Variants in SCAP observed in about 807,000 individuals in gnomAD.
SCAP encodes the protein sterol regulatory element-binding protein cleavage-activating protein.
Under a neutral mutation model 123.6 loss-of-function variants are expected in SCAP, and 65 were observed. That is an observed-to-expected ratio of 0.53 (90% CI 0.43 to 0.65). SCAP has a LOEUF of 0.65. Ranked by LOEUF, SCAP falls within the 30% of genes least tolerant of loss-of-function variation. The pLI is 0.00. For synonymous variants in SCAP, 740 were observed against 726.3 expected, an observed-to-expected ratio of 1.02 and a Z score of -0.30; for missense variants, 1,398 against 1,712.5, an observed-to-expected ratio of 0.82 and a Z score of 3.24.
At chr3:47,467,331 G>A (rs1443368280) in intron 1 of SCAP, among the ~76,000 whole-genome samples, 1 of 152,030 alleles carries the variant, frequency 6.6e-6, no homozygotes, top group Non-Finnish European at 1.5e-5. Context: ...CAGGCTCGGT[G>A]GGGTGGCTCA....
chr3:47,452,973 G>A (rs993238959), intron 1 of SCAP, among the ~76,000 whole-genome samples: 2 of 151,868 alleles, frequency 1.3e-5, no homozygotes, highest in Non-Finnish European at 2.9e-5. Flanking sequence ...GCTCATGACT[G>A]TAGTCCTGGC....
intron 1 of SCAP, among the ~76,000 whole-genome samples, chr3:47,468,429 AT>A (rs1707913084): frequency 6.6e-6 from 1 of 152,112 alleles, no homozygotes; most frequent in African/African-American, 2.4e-5. Context: ...GTGTGAGGGT[AT>A]CTCATTGTGG....
chr3:47,416,277 G>A (rs1705566481), intron 18 of SCAP, among the ~76,000 whole-genome samples: 1 of 152,208 alleles, frequency 6.6e-6, no homozygotes, highest in South Asian at 2.1e-4. Context: ...CAGAACCCAG[G>A]TGGCTGAGAC....
In SCAP at chr3:47,428,495, G is replaced by T. The variant is rs772960649; in HGVS notation, c.410+18C>A. On this transcript the variant is annotated intron_variant, in intron 4 of 22. Coordinates refer to ENST00000265565, the MANE Select transcript of SCAP (RefSeq NM_012235.4). Reference sequence around the variant, plus strand: ...ACAGAATGGGATTCAGGGAGGCCAGGGTCCCTGAGAGGGGTACCTGTCTCT... The same window carrying T: ...ACAGAATGGGATTCAGGGAGGCCAGTGTCCCTGAGAGGGGTACCTGTCTCT... 1 of 1,612,558 alleles carries T rather than the reference G, an allele frequency of 6.2e-7. No homozygotes were observed. Among genetic ancestry groups the T allele is most frequent in the Non-Finnish European group, 8.5e-7 (1 of 1,179,032 alleles).
Position 47,451,382 on chromosome 3 carries a change from G to C in SCAP, c.-98-8291C>G, listed in dbSNP as rs1425681136. On this transcript the variant is annotated intron_variant, in intron 1 of 22. Coordinates refer to ENST00000265565, the MANE Select transcript of SCAP (RefSeq NM_012235.4). ...ATGTTTATATTCAAATATTCAAACA[G>C]TCCTGGAATGCCTTTTTTTTTTTTT... Among the ~76,000 whole-genome samples the C allele has an allele frequency of 7.3e-5, 7 of 96,478 alleles. 2 individuals carry two copies. The East Asian group carries it at 3.0e-3, about 42-fold the overall frequency. The allele number at this position is 96,478 out of a possible 152,430, so 63.3% of individuals were successfully genotyped here.
At chr3:47,460,340 C>T (rs769431346) in intron 1 of SCAP, among the ~76,000 whole-genome samples, 74 of 151,704 alleles carry the variant, frequency 4.9e-4, no homozygotes, top group Non-Finnish European at 9.0e-4. Flanking sequence ...TGATAAATGT[C>T]CATATTAAAA....
At position 47,475,933 on chromosome 3, in the gene SCAP, C is replaced by G. The variant is rs1576328627; in HGVS notation, c.-233G>C. 1 of 153,442 alleles carries G rather than the reference C, an allele frequency of 6.5e-6. No homozygotes were observed. The highest frequency in any genetic ancestry group is 1.5e-5 in the Non-Finnish European group (1 of 68,462). 9.5% of individuals were successfully genotyped at this position (153,442 alleles called of 1,614,324 possible). A position where few individuals can be genotyped will look rare whatever the true frequency, so the allele number is the denominator to read the frequency against. On this transcript the variant is annotated 5_prime_UTR_variant, in exon 1 of 23. Coordinates refer to ENST00000265565, the MANE Select transcript of SCAP (RefSeq NM_012235.4). ...CGCCCTCCCTCTCTCTCCTGGCCGCCGGGTGCCCGCCCCTTCACCTCTCAC... is the reference window on the plus strand; with the variant it reads ...CGCCCTCCCTCTCTCTCCTGGCCGCGGGGTGCCCGCCCCTTCACCTCTCAC...
intron 10 of SCAP, 51 bp downstream of exon 10, chr3:47,422,391 G>A (rs771350752): frequency 6.6e-7 from 1 of 1,517,838 alleles, no homozygotes; most frequent in Admixed American, 1.7e-5. Flanking sequence ...CAGCTGGGGA[G>A]CACAGCAGTT....
intron 1 of SCAP, among the ~76,000 whole-genome samples, chr3:47,444,743 G>A (rs1290267229): frequency 6.6e-6 from 1 of 150,790 alleles, no homozygotes; most frequent in African/African-American, 2.4e-5. Flanking sequence ...TCAAAGTGCT[G>A]GGATTACAGG....
At chr3:47,468,450 G>A (rs1008018291) in intron 1 of SCAP, among the ~76,000 whole-genome samples, 1 of 152,128 alleles carries the variant, frequency 6.6e-6, no homozygotes, top group African/African-American at 2.4e-5. Context: ...GTTTTGATTT[G>A]CATTTCTCTG....
rs946020719 is a variant in SCAP at position 47,414,885 on chromosome 3, G to A, written c.3248C>T (p.Thr1083Ile). ...TVPCAHQKPI[T>I]ALKAAAGRLV... ...GCGCCCAGCAGCGGCTTTCAGGGCT[G>A]TGATGGGTTTTTGGTGTGCACAGGG... The change falls in exon 20 of 23, where the codon ACA becomes ATA. Residue 1083 changes from threonine (T) to isoleucine (I), a missense_variant. Physicochemically the swap from Thr to Ile is moderately conservative, Grantham distance 89. Around this residue, in one of 7 missense-constraint regions of SCAP, gnomAD observed 828 missense variants for 882.5 expected, o/e 0.94. Transcript: ENST00000265565. 5.1e-5 allele frequency: 82 copies of A among 1,612,682 alleles called. No homozygotes were observed. Among genetic ancestry groups the A allele is most frequent in the Non-Finnish European group, 6.6e-5 (78 of 1,179,818 alleles).
In SCAP at chr3:47,413,767, ACTCGG is replaced by A. The variant is rs1705418124; in HGVS notation, c.*82_*86del. The A allele has an allele frequency of 6.6e-7, 1 of 1,507,240 alleles. No individual in the cohort carries two copies. The highest frequency in any genetic ancestry group is 1.4e-5 in the African/African-American group (1 of 71,910). The allele number at this position is 1,507,240 out of a possible 1,614,324, so 93.4% of individuals were successfully genotyped here. A position where few individuals can be genotyped will look rare whatever the true frequency, so the allele number is the denominator to read the frequency against. On this transcript the variant is annotated 3_prime_UTR_variant, in exon 23 of 23. Coordinates refer to ENST00000265565, the MANE Select transcript of SCAP (RefSeq NM_012235.4). ...AGTCAGGAGGCAGCGGCTGGAAGAT[ACTCGG>A]CTCTTTCCCCCAAGTCCAGGTTCAG...
At chr3:47,472,200 G>A (rs1314590816) in intron 1 of SCAP, among the ~76,000 whole-genome samples, 10 of 152,068 alleles carry the variant, frequency 6.6e-5, no homozygotes, top group African/African-American at 2.4e-4. Flanking sequence ...TTGGGAGGCC[G>A]AGGCGAGTGG....
chr3:47,419,830 C>G lies in SCAP; in HGVS notation c.1564-126G>C. ...GGGGATGGAGAGAGGACACAGGCCC[C>G]ACTGCGTCCTTTTCTCCTGCCTCTC... On this transcript the variant is annotated intron_variant, in intron 12 of 22. Transcript: ENST00000265565. The surrounding 1 kb of genome is among the most constrained non-coding windows in gnomAD (Gnocchi z 5.0). The G allele has an allele frequency of 2.7e-6, 3 of 1,108,994 alleles. No homozygotes were observed. Among genetic ancestry groups the G allele is most frequent in the Non-Finnish European group, 2.5e-6 (2 of 815,250 alleles). 68.7% of individuals were successfully genotyped at this position (1,108,994 alleles called of 1,614,324 possible).
intron 2 of SCAP, among the ~76,000 whole-genome samples, chr3:47,437,028 C>T (rs1479778060): frequency 6.6e-6 from 1 of 152,212 alleles, no homozygotes; most frequent in Non-Finnish European, 1.5e-5. Flanking sequence ...TCCACACTGG[C>T]GCACATAGCA....
intron 3 of SCAP, among the ~76,000 whole-genome samples, chr3:47,429,632 C>A (rs1011781299): frequency 1.3e-5 from 2 of 152,150 alleles, no homozygotes; most frequent in African/African-American, 2.4e-5. Flanking sequence ...TGGCTAACTT[C>A]TTTATTTTCT....
intron 1 of SCAP, among the ~76,000 whole-genome samples, chr3:47,470,927 C>T (rs1295626939): frequency 6.6e-6 from 1 of 152,042 alleles, no homozygotes; most frequent in Non-Finnish European, 1.5e-5. Flanking sequence ...CTCATTTACC[C>T]CAAAGTAACA....
chr3:47,443,276 A>T (rs11721160), intron 1 of SCAP, 185 bp from the exon 2 acceptor site: 20,133 of 67,090 alleles, frequency 0.3, 1,746 homozygotes, highest in Admixed American at 0.33. Context: ...ACACACACAC[A>T]CTCTCTCTCT....
At chr3:47,467,650 A>G (rs1707873873) in intron 1 of SCAP, among the ~76,000 whole-genome samples, 1 of 152,106 alleles carries the variant, frequency 6.6e-6, no homozygotes, top group African/African-American at 2.4e-5. Flanking sequence ...AAAAAAGAAG[A>G]TATACAAATG....
Sources: allele counts gnomAD v4.1 joint callset (sites outside exome capture counted in the v4.1 genomes callset), GRCh38; gene constraint gnomAD v4.1.1; regional missense constraint gnomAD v4.1.1; non-coding constraint Gnocchi (gnomAD v3.1); transcripts MANE v1.5; gene names NCBI Gene and HGNC (gene_info 2026-07-23, HGNC 2026-07-21).